RMP64: variants seen among roughly 807,000 people sequenced by gnomAD.
RMP64 encodes nucleolus and neural progenitor protein.
At chr3:113,010,190 T>A in the RMP64 span, among the ~76,000 whole-genome samples, 1 of 152,116 alleles carries the variant, frequency 6.6e-6, no homozygotes, top group South Asian at 2.1e-4. Context: ...CTTACCATAC[T>A]CCAGACTACC....
At chr3:113,013,828 A>T in the RMP64 span, 1 of 745,262 alleles carries the variant, frequency 1.3e-6, no homozygotes. Context: ...ATTAAAACAA[A>T]ATTTATACAG....
At chr3:113,010,503 G>A in the RMP64 span, 2 of 653,238 alleles carry the variant, frequency 3.1e-6, no homozygotes, top group Non-Finnish European at 5.4e-6. Context: ...TATTCATTCA[G>A]AAGCACACAC....
the RMP64 span, chr3:113,019,531 G>T: frequency 6.2e-7 from 1 of 1,603,022 alleles, no homozygotes; most frequent in Non-Finnish European, 8.5e-7. Context: ...CTCGCCCGGC[G>T]CCTCACTCAC....
chr3:113,013,437 CT>C, the RMP64 span: 1 of 1,283,606 alleles, frequency 7.8e-7, no homozygotes, highest in South Asian at 1.4e-5. Context: ...ATTACTTTCA[CT>C]TAAAAAAAAA....
the RMP64 span, chr3:113,017,609 CA>C: frequency 6.2e-7 from 1 of 1,612,562 alleles, no homozygotes; most frequent in Non-Finnish European, 8.5e-7. Flanking sequence ...AGGTCTGAAG[CA>C]GAGACATCTA....
At chr3:113,008,417 T>C in the RMP64 span, 2 of 1,610,050 alleles carry the variant, frequency 1.2e-6, no homozygotes, top group African/African-American at 2.7e-5. Context: ...ACATTTAAAA[T>C]CAAAACTGGT....
chr3:113,016,995 T>C, the RMP64 span, among the ~76,000 whole-genome samples: 3 of 152,198 alleles, frequency 2.0e-5, no homozygotes, highest in Admixed American at 6.5e-5. Context: ...TATGTACCCA[T>C]TTACTCTAAC....
chr3:113,019,636 C>T, the RMP64 span: 1 of 1,613,292 alleles, frequency 6.2e-7, no homozygotes, highest in Non-Finnish European at 8.5e-7. Context: ...CCGGCGGCAC[C>T]GCAGCCATCA....
the RMP64 span, chr3:113,013,162 C>T: frequency 8.4e-7 from 1 of 1,194,020 alleles, no homozygotes; most frequent in Non-Finnish European, 1.2e-6. Flanking sequence ...TTAAGAATTC[C>T]TGTAGGTTGT....
chr3:113,017,357 C>A, the RMP64 span: 5 of 1,076,296 alleles, frequency 4.6e-6, no homozygotes, highest in Admixed American at 2.3e-5. Context: ...GAGATTTCCA[C>A]GAGATTTCCA....
the RMP64 span, chr3:113,006,155 C>T: frequency 1.6e-6 from 1 of 621,038 alleles, no homozygotes; most frequent in Non-Finnish European, 2.8e-6. Context: ...AAAAATTTCA[C>T]CCCAAGTCTG....
chr3:113,008,014 C>G, the RMP64 span, among the ~76,000 whole-genome samples: 2 of 152,284 alleles, frequency 1.3e-5, no homozygotes, highest in African/African-American at 2.4e-5. Flanking sequence ...TTTGCTCTTA[C>G]AATAAAAGCA....
chr3:113,011,238 T>C, the RMP64 span: 3 of 1,613,190 alleles, frequency 1.9e-6, no homozygotes, highest in Admixed American at 1.7e-5. Context: ...TAGGCATTTT[T>C]TTCTTAAAGG....
chr3:113,008,068 T>C, the RMP64 span: 5 of 1,028,718 alleles, frequency 4.9e-6, no homozygotes, highest in East Asian at 7.3e-5. Flanking sequence ...TTAGCCCCGC[T>C]GCGGCTGCTG....
chr3:113,008,108 A>G, the RMP64 span: 1 of 1,469,640 alleles, frequency 6.8e-7, no homozygotes, highest in Non-Finnish European at 9.4e-7. Flanking sequence ...AAGTGACCTG[A>G]ATACTTTTAC....
At chr3:113,006,151 T>A in the RMP64 span, 1 of 628,368 alleles carries the variant, frequency 1.6e-6, no homozygotes, top group Non-Finnish European at 2.7e-6. Context: ...ATCGAAAAAT[T>A]TCACCCCAAG....
chr3:113,006,606 C>T, the RMP64 span, among the ~76,000 whole-genome samples: 6 of 152,324 alleles, frequency 3.9e-5, no homozygotes, highest in African/African-American at 1.2e-4. Flanking sequence ...CTTCCACACA[C>T]GGTACACTGC....
chr3:113,012,992 G>T, the RMP64 span: 1 of 615,478 alleles, frequency 1.6e-6, no homozygotes, highest in Non-Finnish European at 2.9e-6. Flanking sequence ...CTCTGCTAGA[G>T]TTCCCATTAT....
At chr3:113,008,589 A>G in the RMP64 span, 4 of 603,722 alleles carry the variant, frequency 6.6e-6, no homozygotes, top group Admixed American at 2.9e-5. Context: ...TGTGGTTATT[A>G]TGCACTATAT....
Sources: allele counts gnomAD v4.1 joint callset (sites outside exome capture counted in the v4.1 genomes callset), GRCh38; gene constraint gnomAD v4.1.1; transcripts MANE v1.5; gene names NCBI Gene and HGNC (gene_info 2026-07-23, HGNC 2026-07-21).